TRAPPC9: variants seen among roughly 807,000 people sequenced by gnomAD.
TRAPPC9 encodes the protein IKK2 binding protein.
In TRAPPC9, 83 loss-of-function variants were observed where a neutral mutation model predicts 124.0. That is an observed-to-expected ratio of 0.67 (90% CI 0.56 to 0.80). The LOEUF (loss-of-function observed/expected upper bound fraction) is 0.80, where lower values mean the gene tolerates loss of function less well. Among genes scored for constraint, TRAPPC9 ranks in the 30% least tolerant of loss-of-function variants. TRAPPC9 has a pLI of 0.00. For synonymous variants in TRAPPC9, 638 were observed against 617.5 expected (o/e 1.03, Z -0.49); for missense variants, 1,302 against 1,508.3 (o/e 0.86, Z 2.27).
At chr8:140,440,380 G>A (rs183256837) in intron 2 of TRAPPC9, among the ~76,000 whole-genome samples, 5 of 151,968 alleles carry the variant, frequency 3.3e-5, no homozygotes, top group African/African-American at 4.8e-5. Context: ...GGTGGCACGC[G>A]CCTGTAGTCC....
intron 21 of TRAPPC9, among the ~76,000 whole-genome samples, chr8:139,745,546 C>T (rs963820356): frequency 7.2e-5 from 11 of 152,206 alleles, no homozygotes; most frequent in African/African-American, 2.4e-4. Flanking sequence ...GCGGGTGAGT[C>T]GGGGTGGGCT....
At chr8:140,256,102 A>T (rs1375869141) in intron 15 of TRAPPC9, among the ~76,000 whole-genome samples, 1 of 152,240 alleles carries the variant, frequency 6.6e-6, no homozygotes, top group Non-Finnish European at 1.5e-5. Context: ...CTTTGGGGGC[A>T]AAGGGTACAA....
intron 15 of TRAPPC9, among the ~76,000 whole-genome samples, chr8:140,267,834 T>A (rs1319326795): frequency 6.6e-6 from 1 of 152,102 alleles, no homozygotes; most frequent in Non-Finnish European, 1.5e-5. Flanking sequence ...GCACAGCCAA[T>A]TTTTGTATTT....
chr8:139,811,285 G>T lies in TRAPPC9; in HGVS notation c.3055+74594C>A, dbSNP rs73726663. On this transcript the variant is annotated intron_variant, in intron 21 of 22. Coordinates refer to ENST00000438773, the MANE Select transcript of TRAPPC9 (RefSeq NM_001160372.4). ...AGGAAGCAGTATAAGCATTCTAAGAGATAGGAAACAGCAAAGAAAAGAAAA... is the reference window on the plus strand; with the variant it reads ...AGGAAGCAGTATAAGCATTCTAAGATATAGGAAACAGCAAAGAAAAGAAAA... Among the ~76,000 whole-genome samples the T allele has an allele frequency of 9.6e-3, 1,460 of 152,254 alleles. 29 individuals carry two copies. The highest frequency in any genetic ancestry group is 0.034 in the African/African-American group (1,395 of 41,560).
chr8:140,247,999 G>A (rs374410999), intron 16 of TRAPPC9, among the ~76,000 whole-genome samples: 22 of 152,144 alleles, frequency 1.4e-4, no homozygotes, highest in East Asian at 1.4e-3. Context: ...TTCTGAGCAC[G>A]TTCTTCTATG....
At chr8:140,240,132 A>T (rs1258318421) in intron 16 of TRAPPC9, among the ~76,000 whole-genome samples, 1 of 152,074 alleles carries the variant, frequency 6.6e-6, no homozygotes, top group Non-Finnish European at 1.5e-5. Context: ...CCAAATAGAC[A>T]TGTTTTTTTT....
intron 21 of TRAPPC9, among the ~76,000 whole-genome samples, chr8:139,769,424 G>A (rs1385633818): frequency 3.3e-5 from 5 of 152,224 alleles, no homozygotes; most frequent in African/African-American, 1.2e-4. Context: ...TGGATTCACT[G>A]GACAAAGGGA....
intron 20 of TRAPPC9, among the ~76,000 whole-genome samples, chr8:139,897,348 C>T (rs1439279163): frequency 3.3e-5 from 5 of 152,220 alleles, no homozygotes; most frequent in Non-Finnish European, 5.9e-5. Flanking sequence ...CCTGCTCAAA[C>T]CAGCAAGATG....
intron 21 of TRAPPC9, among the ~76,000 whole-genome samples, chr8:139,814,341 C>A (rs540017715): frequency 6.6e-6 from 1 of 152,216 alleles, no homozygotes; most frequent in African/African-American, 2.4e-5. Flanking sequence ...CAGTCACCGT[C>A]GCTGCTCAGA....
intron 17 of TRAPPC9, among the ~76,000 whole-genome samples, chr8:140,062,545 T>C (rs73725384): frequency 0.035 from 5,298 of 152,160 alleles, 107 homozygotes; most frequent in Middle Eastern, 0.078. Context: ...AGGCTCACCT[T>C]TGACAGCGCC....
chr8:140,306,351 A>G (rs1418852890), intron 10 of TRAPPC9, among the ~76,000 whole-genome samples: 1 of 151,992 alleles, frequency 6.6e-6, no homozygotes, highest in Non-Finnish European at 1.5e-5. Context: ...AAAATTAGCC[A>G]GGCATGGTGG....
At chr8:139,865,268 G>T (rs533840499) in intron 21 of TRAPPC9, among the ~76,000 whole-genome samples, 1 of 152,224 alleles carries the variant, frequency 6.6e-6, no homozygotes, top group Non-Finnish European at 1.5e-5. Context: ...ATGTCCATGC[G>T]TTCTGGTCTG....
At chr8:139,862,358 G>T (rs1454356027) in intron 21 of TRAPPC9, among the ~76,000 whole-genome samples, 1 of 152,246 alleles carries the variant, frequency 6.6e-6, no homozygotes, top group African/African-American at 2.4e-5. Context: ...ATGTCTCAGA[G>T]AGCAAAGGTT....
chr8:139,749,757 G>A (rs1275487160), intron 21 of TRAPPC9, among the ~76,000 whole-genome samples: 1 of 152,220 alleles, frequency 6.6e-6, no homozygotes, highest in Non-Finnish European at 1.5e-5. Flanking sequence ...TGCTTGAACC[G>A]CCAGAGCCGG....
At chr8:139,824,837 A>G (rs1825510844) in intron 21 of TRAPPC9, among the ~76,000 whole-genome samples, 1 of 152,204 alleles carries the variant, frequency 6.6e-6, no homozygotes. Context: ...TGCTAGGATT[A>G]TAGGTGTGAG....
intron 21 of TRAPPC9, among the ~76,000 whole-genome samples, chr8:139,862,345 C>T (rs990785681): frequency 6.6e-6 from 1 of 152,246 alleles, no homozygotes; most frequent in African/African-American, 2.4e-5. Flanking sequence ...TCTGGGAACA[C>T]TGATGTCTCA....
At chr8:140,351,769 G>A (rs913927622) in intron 9 of TRAPPC9, among the ~76,000 whole-genome samples, 10 of 152,312 alleles carry the variant, frequency 6.6e-5, no homozygotes, top group African/African-American at 2.2e-4. Flanking sequence ...GGATGACTGT[G>A]CTTCCCATCA....
chr8:139,856,311 A>G (rs536060609), intron 21 of TRAPPC9, among the ~76,000 whole-genome samples: 3 of 152,114 alleles, frequency 2.0e-5, no homozygotes, highest in African/African-American at 7.2e-5. Flanking sequence ...CTCTCCCTGC[A>G]ACCACCTCAG....
At chr8:140,370,511 A>T (rs1169300074) in intron 8 of TRAPPC9, among the ~76,000 whole-genome samples, 3 of 152,160 alleles carry the variant, frequency 2.0e-5, no homozygotes, top group Non-Finnish European at 4.4e-5. Context: ...CATATTTGTT[A>T]TTAGATTGAT....
Sources: allele counts gnomAD v4.1 joint callset (sites outside exome capture counted in the v4.1 genomes callset), GRCh38; gene constraint gnomAD v4.1.1; transcripts MANE v1.5; gene names NCBI Gene and HGNC (gene_info 2026-07-23, HGNC 2026-07-21).